The following RGS6 variants were observed in gnomAD, a reference collection of about 807,000 sequenced individuals.
RGS6 encodes the protein regulator of G protein signaling 6.
In RGS6, 30 loss-of-function variants were observed where a neutral mutation model predicts 78.5. That is an observed-to-expected ratio of 0.38 (90% CI 0.29 to 0.52). The LOEUF (loss-of-function observed/expected upper bound fraction) is 0.52. Ranked by LOEUF, RGS6 falls within the 20% of genes least tolerant of loss-of-function variation. RGS6 has a pLI of 0.85. For synonymous variants in RGS6, 206 were observed against 206.0 expected, an observed-to-expected ratio of 1.00 and a Z score of 0.00; for missense variants, 495 against 609.7, an observed-to-expected ratio of 0.81 and a Z score of 1.98.
intron 2 of RGS6, among the ~76,000 whole-genome samples, chr14:71,981,884 C>T (rs1327452202): frequency 1.5e-4 from 22 of 145,756 alleles, no homozygotes; most frequent in Non-Finnish European, 3.4e-4. Flanking sequence ...CCTCCCCCAG[C>T]CTCGTTGCCG....
chr14:72,184,369 A>AACACACACACACAC (rs10638767), intron 2 of RGS6, among the ~76,000 whole-genome samples: 1,568 of 141,332 alleles, frequency 0.011, 10 homozygotes, highest in East Asian at 0.032. Flanking sequence ...TTTACTTTCA[A>AACACACACACACAC]ACACACACAC....
At chr14:72,310,164 G>A (rs2068221719) in intron 2 of RGS6, among the ~76,000 whole-genome samples, 1 of 152,212 alleles carries the variant, frequency 6.6e-6, no homozygotes, top group Non-Finnish European at 1.5e-5. Context: ...GCTGAGCAGA[G>A]CCAGGTGCAG....
intron 17 of RGS6, chr14:72,550,455 GAA>G: frequency 6.5e-7 from 1 of 1,535,436 alleles, no homozygotes; most frequent in Non-Finnish European, 8.7e-7. Flanking sequence ...TGCCTAACAG[GAA>G]AAGACAGACT....
the RGS6 span, chr14:71,908,124 C>G: frequency 6.6e-6 from 1 of 152,256 alleles, no homozygotes; most frequent in African/African-American, 2.4e-5. Flanking sequence ...GATCCTCACA[C>G]AGTTCTTGCT....
intron 2 of RGS6, among the ~76,000 whole-genome samples, chr14:72,176,680 TG>T (rs2097108969): frequency 4.6e-5 from 7 of 152,176 alleles, no homozygotes; most frequent in Non-Finnish European, 8.8e-5. Context: ...GATGAGTTCA[TG>T]AAAATATTTG....
chr14:72,496,174 AC>A (rs1280106331), intron 13 of RGS6, among the ~76,000 whole-genome samples: 1 of 151,986 alleles, frequency 6.6e-6, no homozygotes, highest in Admixed American at 6.6e-5. Flanking sequence ...TCTTCCTCCA[AC>A]CCGATTTCAC....
At chr14:71,996,026 T>C (rs2095188348) in intron 2 of RGS6, among the ~76,000 whole-genome samples, 1 of 152,158 alleles carries the variant, frequency 6.6e-6, no homozygotes, top group South Asian at 2.1e-4. Context: ...GCCTTCCGAG[T>C]CACCGGGGGA....
rs112209860 is a variant in RGS6, at chr14:72,229,775, A to T, written c.85-122320A>T. ...CTGGGACTCAAACAATATGATCAAG[A>T]TTCTCTCTCCCTTGCACTTTTGCTG... is the stretch of plus-strand genomic sequence containing the variant. On this transcript the variant is annotated intron_variant, in intron 2 of 17. Transcript: ENST00000553525. Among the ~76,000 whole-genome samples the T allele has an allele frequency of 7.2e-3, 1,097 of 152,292 alleles. 17 individuals carry two copies. The highest frequency in any genetic ancestry group is 0.025 in the African/African-American group (1,054 of 41,556).
chr14:71,992,619 T>A (rs188429339), intron 2 of RGS6, among the ~76,000 whole-genome samples: 3 of 152,348 alleles, frequency 2.0e-5, no homozygotes, highest in Admixed American at 1.3e-4. Flanking sequence ...ATTTGTTTGA[T>A]TTTTAGAAGC....
At chr14:71,934,168 ACTC>A (rs2088522534) in intron 1 of RGS6, among the ~76,000 whole-genome samples, 2 of 151,928 alleles carry the variant, frequency 1.3e-5, no homozygotes, top group South Asian at 4.1e-4. Context: ...ATTTGGTGAG[ACTC>A]TTGAGAGAGA....
At chr14:72,590,317 C>CA in the RGS6 span, among the ~76,000 whole-genome samples, 69 of 152,152 alleles carry the variant, frequency 4.5e-4, no homozygotes, top group Non-Finnish European at 6.5e-4. Flanking sequence ...TATATGTTCA[C>CA]AAAAAATGCT....
intron 2 of RGS6, among the ~76,000 whole-genome samples, chr14:72,328,489 G>T (rs2074288021): frequency 6.6e-6 from 1 of 152,170 alleles, no homozygotes; most frequent in Admixed American, 6.5e-5. Context: ...ATAGGGAGAT[G>T]AAACAATGGC....
chr14:71,948,922 T>C (rs1263976268), intron 1 of RGS6, among the ~76,000 whole-genome samples: 2 of 152,110 alleles, frequency 1.3e-5, no homozygotes, highest in African/African-American at 2.4e-5. Flanking sequence ...TATGAAATCA[T>C]ACATATATGC....
intron 2 of RGS6, among the ~76,000 whole-genome samples, chr14:72,027,953 A>G (rs1443748697): frequency 2.6e-5 from 4 of 152,102 alleles, no homozygotes; most frequent in Non-Finnish European, 5.9e-5. Context: ...GCATGATCTC[A>G]GTTGGTTTAG....
the RGS6 span, among the ~76,000 whole-genome samples, chr14:72,618,085 A>G: frequency 5.3e-5 from 8 of 151,872 alleles, no homozygotes; most frequent in African/African-American, 1.7e-4. Context: ...AGAGTCCTGC[A>G]TGTTTGGGGA....
chr14:72,459,256 A>C (rs185006381), intron 5 of RGS6, among the ~76,000 whole-genome samples: 86 of 152,312 alleles, frequency 5.6e-4, no homozygotes, highest in African/African-American at 2.0e-3. Context: ...TCAAGGTCTA[A>C]CCAAAGGGTG....
At chr14:72,006,376 A>G (rs2084560060) in intron 2 of RGS6, among the ~76,000 whole-genome samples, 1 of 152,236 alleles carries the variant, frequency 6.6e-6, no homozygotes, top group South Asian at 2.1e-4. Flanking sequence ...TGACAAATAG[A>G]TGATGACAGA....
intron 2 of RGS6, among the ~76,000 whole-genome samples, chr14:72,319,649 G>A (rs1347292512): frequency 6.6e-6 from 1 of 152,110 alleles, no homozygotes; most frequent in Non-Finnish European, 1.5e-5. Flanking sequence ...CCTGAAGGGG[G>A]AAAATCATCA....
chr14:72,137,342 C>T (rs375437575), intron 2 of RGS6, among the ~76,000 whole-genome samples: 3 of 152,300 alleles, frequency 2.0e-5, no homozygotes, highest in East Asian at 1.9e-4. Context: ...TATTCTCACC[C>T]GCCATTCTAC....
Sources: allele counts gnomAD v4.1 joint callset (sites outside exome capture counted in the v4.1 genomes callset), GRCh38; gene constraint gnomAD v4.1.1; transcripts MANE v1.5; gene names NCBI Gene and HGNC (gene_info 2026-07-23, HGNC 2026-07-21).